The following SLC22A23 variants were observed in gnomAD, a reference collection of about 807,000 sequenced individuals.
SLC22A23 encodes solute carrier family 22 member 23.
In SLC22A23, 26 loss-of-function variants were observed where a neutral mutation model predicts 61.0. The ratio of observed to expected loss-of-function variants is 0.43; its 90% CI spans 0.31 to 0.59. The LOEUF (loss-of-function observed/expected upper bound fraction) is 0.59. SLC22A23 is among the 20% of genes least tolerant of loss of function. The probability of loss-of-function intolerance (pLI) is 0.11; values close to 1 mark genes in which losing one functional copy is unlikely to be tolerated. For missense variants in SLC22A23, 796 were observed against 934.7 expected, an observed-to-expected ratio of 0.85 and a Z score of 1.94; for synonymous variants, 430 against 413.9, an observed-to-expected ratio of 1.04 and a Z score of -0.47.
intron 2 of SLC22A23, among the ~76,000 whole-genome samples, chr6:3,411,985 A>G (rs997146378): frequency 1.2e-4 from 19 of 152,172 alleles, no homozygotes; most frequent in African/African-American, 4.6e-4. Context: ...TAACTCTAAC[A>G]TTTTGCATTA....
chr6:3,324,157 G>T lies in SLC22A23; in HGVS notation c.914-155C>A. ...CAAGTGCCCTATGTGGTGTGCCAGT[G>T]TTTTACGGGCGCGTTGAGGCTCCAA... On this transcript the variant is annotated intron_variant, in intron 3 of 9. Coordinates refer to ENST00000406686, the MANE Select transcript of SLC22A23 (RefSeq NM_015482.2). This position sits in a 1 kb window ranked among gnomAD's most constrained non-coding sequence, Gnocchi z 4.3. 2 of 887,408 alleles carry T rather than the reference G, an allele frequency of 2.3e-6. No homozygotes were observed. The highest frequency in any genetic ancestry group is 3.4e-6 in the Non-Finnish European group (2 of 590,766). 55.0% of individuals were successfully genotyped at this position (887,408 alleles called of 1,614,324 possible).
At chr6:3,275,520 A>G (rs183096190) in intron 9 of SLC22A23, among the ~76,000 whole-genome samples, 1 of 152,380 alleles carries the variant, frequency 6.6e-6, no homozygotes, top group East Asian at 1.9e-4. Flanking sequence ...TGTTTAAGAA[A>G]AAAAGACCAT....
chr6:3,377,553 G>A (rs984023124), intron 3 of SLC22A23, among the ~76,000 whole-genome samples: 3 of 152,252 alleles, frequency 2.0e-5, no homozygotes, highest in South Asian at 2.1e-4. Context: ...CATGAAGGCA[G>A]AAAGCACCAT....
At position 3,335,221 on chromosome 6, in the gene SLC22A23, G is replaced by A. The variant is rs114809526; in HGVS notation, c.914-11219C>T. ...TTGAGGAAAATACTAGCAGGTGGGA[G>A]CAGTAAGAGGTCTTCCTCTAAACCC... On this transcript the variant is annotated intron_variant, in intron 3 of 9. Coordinates refer to ENST00000406686, the MANE Select transcript of SLC22A23 (RefSeq NM_015482.2). Among the ~76,000 whole-genome samples the A allele has an allele frequency of 2.3e-3, 345 of 152,306 alleles. 3 individuals carry two copies. Among genetic ancestry groups the A allele is most frequent in the Non-Finnish European group, 3.8e-3 (256 of 68,024 alleles).
intron 1 of SLC22A23, among the ~76,000 whole-genome samples, chr6:3,435,383 T>C (rs1197936845): frequency 6.6e-6 from 1 of 151,456 alleles, no homozygotes; most frequent in East Asian, 1.9e-4. Context: ...GTCTCCCTTT[T>C]CCCCCTTTCC....
intron 1 of SLC22A23, among the ~76,000 whole-genome samples, chr6:3,431,384 C>T (rs1399826838): frequency 6.6e-6 from 1 of 152,320 alleles, no homozygotes; most frequent in South Asian, 2.1e-4. Context: ...GACCAAATTC[C>T]TAAGCCTGGC....
In SLC22A23 at chr6:3,456,603, G is replaced by C. The variant is rs1435627967; in HGVS notation, c.-44C>G. On this transcript the variant is annotated 5_prime_UTR_variant, in exon 1 of 10. Coordinates refer to ENST00000406686, the MANE Select transcript of SLC22A23 (RefSeq NM_015482.2). This position sits in a 1 kb window ranked among gnomAD's most constrained non-coding sequence, Gnocchi z 7.1. ...CCGCAGAGGCGCATAGAGCGCGGCG[G>C]AGGCTCCGCGGGCGCCCCGGGCACA... 3 of 978,080 alleles carry C rather than the reference G, an allele frequency of 3.1e-6. No homozygotes were observed. Among genetic ancestry groups the C allele is most frequent in the Non-Finnish European group, 3.6e-6 (3 of 826,144 alleles). The allele number at this position is 978,080 out of a possible 1,614,324, so 60.6% of individuals were successfully genotyped here. A position where few individuals can be genotyped will look rare whatever the true frequency, so the allele number is the denominator to read the frequency against.
intron 3 of SLC22A23, among the ~76,000 whole-genome samples, chr6:3,334,954 A>G (rs994714364): frequency 6.6e-6 from 1 of 152,188 alleles, no homozygotes; most frequent in Non-Finnish European, 1.5e-5. Context: ...GCCTCTCACC[A>G]TATTGCCTTT....
At chr6:3,378,124 C>A (rs1040600780) in intron 3 of SLC22A23, 5 of 152,268 alleles carry the variant, frequency 3.3e-5, no homozygotes, top group Admixed American at 6.5e-5. Context: ...CTGATTCCTA[C>A]ATGCCCGCAA....
intron 4 of SLC22A23, among the ~76,000 whole-genome samples, chr6:3,306,058 G>A (rs2127370587): frequency 6.6e-6 from 1 of 152,292 alleles, no homozygotes; most frequent in South Asian, 2.1e-4. Context: ...ACCAACATCT[G>A]CTCTCCTTCT....
chr6:3,345,367 T>C (rs111299180), intron 3 of SLC22A23, among the ~76,000 whole-genome samples: 2 of 147,440 alleles, frequency 1.4e-5, no homozygotes, highest in East Asian at 1.9e-4. Flanking sequence ...TCTTTTCTTT[T>C]TTTTTTTTTT....
intron 3 of SLC22A23, among the ~76,000 whole-genome samples, chr6:3,356,119 G>GGGGGGCGGC (rs2127441037): frequency 1.2e-5 from 1 of 86,188 alleles, no homozygotes; most frequent in Non-Finnish European, 2.4e-5. Context: ...GTGGAGGCGG[G>GGGGGGCGGC]AGGGTGGGAC....
Position 3,386,471 on chromosome 6 carries a change from G to A in SLC22A23, c.913+23717C>T, listed in dbSNP as rs1767315862. Among the ~76,000 whole-genome samples, 1 of 152,184 alleles carries A rather than the reference G, an allele frequency of 6.6e-6. No homozygotes were observed. Among genetic ancestry groups the A allele is most frequent in the African/African-American group, 2.4e-5 (1 of 41,454 alleles). On this transcript the variant is annotated intron_variant, in intron 3 of 9. Transcript: ENST00000406686. This position sits in a 1 kb window ranked among gnomAD's most constrained non-coding sequence, Gnocchi z 4.4. The stretch of plus-strand genomic sequence containing the variant: ...TCCTCCTCAAGAAGTTGGCTTCTCT[G>A]GAAAGTGGGGGAGGGTCTGAATAAA...
rs972800644 is a variant in SLC22A23, at chr6:3,272,078, C to T, written c.*977G>A. ...GCTGGTGATCTTCATGGTGTGTGCT[C>T]AAGGTGTGGGTGACGGGCGTGTGTG... On this transcript the variant is annotated 3_prime_UTR_variant, in exon 10 of 10. Coordinates refer to ENST00000406686, the MANE Select transcript of SLC22A23 (RefSeq NM_015482.2). The T allele has an allele frequency of 6.6e-6, 1 of 152,468 alleles. No homozygotes were observed. The highest frequency in any genetic ancestry group is 1.5e-5 in the Non-Finnish European group (1 of 68,198). The allele number at this position is 152,468 out of a possible 1,614,324, so 9.4% of individuals were successfully genotyped here.
intron 5 of SLC22A23, among the ~76,000 whole-genome samples, chr6:3,295,305 G>A (rs184636176): frequency 0.012 from 1,564 of 127,278 alleles, 43 homozygotes; most frequent in African/African-American, 0.067. Context: ...CAAGGCAAGA[G>A]TGGGGAGCTG....
chr6:3,374,647 T>G (rs771381473), intron 3 of SLC22A23, among the ~76,000 whole-genome samples: 1 of 151,950 alleles, frequency 6.6e-6, no homozygotes, highest in Non-Finnish European at 1.5e-5. Context: ...ATAATGAAAG[T>G]GAGGATTTGG....
intron 3 of SLC22A23, among the ~76,000 whole-genome samples, chr6:3,369,262 A>G (rs1766045952): frequency 6.6e-6 from 1 of 152,178 alleles, no homozygotes; most frequent in South Asian, 2.1e-4. Flanking sequence ...TGGCACAAAA[A>G]GGACTACAGC....
chr6:3,312,664 G>A (rs997672464), intron 4 of SLC22A23: 7 of 152,168 alleles, frequency 4.6e-5, no homozygotes, highest in South Asian at 2.1e-4. Flanking sequence ...GCAGATGGGC[G>A]GCTGGGTCCC....
chr6:3,363,685 G>A (rs933704867), intron 3 of SLC22A23, among the ~76,000 whole-genome samples: 5 of 152,252 alleles, frequency 3.3e-5, no homozygotes, highest in Admixed American at 2.6e-4. Context: ...AAAGCACAGC[G>A]TTCCAGCCTG....
Sources: allele counts gnomAD v4.1 joint callset (sites outside exome capture counted in the v4.1 genomes callset), GRCh38; gene constraint gnomAD v4.1.1; non-coding constraint Gnocchi (gnomAD v3.1); transcripts MANE v1.5; gene names NCBI Gene and HGNC (gene_info 2026-07-23, HGNC 2026-07-21).